The following C12orf50 variants were observed in gnomAD, a reference collection of about 807,000 sequenced individuals.
C12orf50 encodes uncharacterized protein C12orf50.
C12orf50 carries 35 observed loss-of-function variants against 61.6 expected under a neutral mutation model. The ratio of observed to expected loss-of-function variants is 0.57; its 90% CI spans 0.43 to 0.75. The LOEUF (loss-of-function observed/expected upper bound fraction) is 0.75. Ranked by LOEUF, C12orf50 falls within the 30% of genes least tolerant of loss-of-function variation. The pLI, the probability that C12orf50 is intolerant of heterozygous loss-of-function variation, is 0.00. For missense variants in C12orf50, 475 were observed against 488.5 expected (o/e 0.97, Z 0.26); for synonymous variants, 178 against 161.5 (o/e 1.10, Z -0.77).
At chr12:88,027,161 A>G in intron 1 of C12orf50, 91 bp from the exon 2 acceptor site, 5 of 1,281,814 alleles carry the variant, frequency 3.9e-6, no homozygotes, top group Non-Finnish European at 5.2e-6. Context: ...ACGAAATATG[A>G]GTAGATTACA....
chr12:88,006,809 A>G (rs1465954344), intron 3 of C12orf50, among the ~76,000 whole-genome samples: 1 of 152,206 alleles, frequency 6.6e-6, no homozygotes, highest in Non-Finnish European at 1.5e-5. Context: ...TGGAAGCTGG[A>G]CGTAGAAAGA....
At chr12:87,997,395 T>C (rs2031444209) in intron 4 of C12orf50, among the ~76,000 whole-genome samples, 1 of 150,834 alleles carries the variant, frequency 6.6e-6, no homozygotes, top group Admixed American at 6.6e-5. Flanking sequence ...GATATATAAA[T>C]ATCTATATAT....
At chr12:87,990,426 C>A (rs1325569429) in intron 7 of C12orf50, among the ~76,000 whole-genome samples, 1 of 152,146 alleles carries the variant, frequency 6.6e-6, no homozygotes, top group Non-Finnish European at 1.5e-5. Flanking sequence ...GGAGCTTACA[C>A]AAAACCAGTG....
At chr12:87,992,855 A>G (rs7137219) in intron 7 of C12orf50, among the ~76,000 whole-genome samples, 3,488 of 152,262 alleles carry the variant, frequency 0.023, 142 homozygotes, top group African/African-American at 0.078. Flanking sequence ...AGACAAGACA[A>G]TGCCTCAAGT....
intron 3 of C12orf50, among the ~76,000 whole-genome samples, chr12:88,021,644 A>C (rs1271075638): frequency 6.6e-6 from 1 of 152,104 alleles, no homozygotes. Context: ...TTTCAAAAAA[A>C]AAAGACAAAA....
intron 3 of C12orf50, among the ~76,000 whole-genome samples, chr12:88,000,747 C>A (rs1187510607): frequency 6.6e-6 from 1 of 151,632 alleles, no homozygotes; most frequent in Non-Finnish European, 1.5e-5. Context: ...AAACTTTGCA[C>A]ATCTTATGTT....
intron 1 of C12orf50, chr12:88,027,630 G>A (rs947201946): frequency 5.9e-5 from 9 of 152,148 alleles, no homozygotes; most frequent in African/African-American, 2.2e-4. Flanking sequence ...TGTGCCTTTG[G>A]CTTAGAAAGA....
At chr12:87,982,015 A>C (rs1350561511) in intron 12 of C12orf50, among the ~76,000 whole-genome samples, 1 of 152,062 alleles carries the variant, frequency 6.6e-6, no homozygotes, top group East Asian at 1.9e-4. Context: ...TCTGTAATTC[A>C]TATTTAACTA....
chr12:88,014,541 C>T (rs768544619), intron 3 of C12orf50, among the ~76,000 whole-genome samples: 12 of 152,090 alleles, frequency 7.9e-5, no homozygotes, highest in African/African-American at 1.7e-4. Flanking sequence ...CCTCATGATC[C>T]GCCCGCCTCG....
At chr12:87,987,988 A>T in intron 8 of C12orf50, 22 bp from the exon 9 acceptor site, 1 of 1,472,424 alleles carries the variant, frequency 6.8e-7, no homozygotes, top group African/African-American at 1.4e-5. Flanking sequence ...AATTAAGAAA[A>T]TAAAATGTCA....
At chr12:87,994,006 C>A (rs558573106) in intron 7 of C12orf50, among the ~76,000 whole-genome samples, 1 of 151,752 alleles carries the variant, frequency 6.6e-6, no homozygotes, top group Admixed American at 6.6e-5. Flanking sequence ...TTGAGGCCAG[C>A]CTGACCAACA....
chr12:88,001,250 G>A (rs961901547), intron 3 of C12orf50, among the ~76,000 whole-genome samples: 3 of 151,368 alleles, frequency 2.0e-5, no homozygotes, highest in Non-Finnish European at 3.0e-5. Flanking sequence ...CATCTGTTAA[G>A]ATGATCATGT....
chr12:88,026,139 G>A (rs1372387481), intron 3 of C12orf50, among the ~76,000 whole-genome samples: 1 of 152,088 alleles, frequency 6.6e-6, no homozygotes, highest in East Asian at 1.9e-4. Context: ...GAGACCACCA[G>A]TGAAGGTATG....
rs550191625 is a variant in C12orf50, at chr12:87,990,580, G to T, written c.593-1209C>A. Among the ~76,000 whole-genome samples the T allele has an allele frequency of 5.9e-5, 9 of 152,214 alleles. No individual in the cohort carries two copies. In the South Asian group the frequency reaches 1.9e-3, roughly 32 times the overall value. ...ATGCATGTGACTGCAATGCCTGAGA[G>T]CAATGGAAGGACACAAAGTCAATTG... On this transcript the variant is annotated intron_variant, in intron 7 of 12. Transcript: ENST00000298699.
intron 3 of C12orf50, among the ~76,000 whole-genome samples, chr12:88,019,280 ACT>A (rs1294510699): frequency 3.3e-5 from 5 of 152,030 alleles, no homozygotes; most frequent in African/African-American, 1.2e-4. Context: ...CCCTGCACAA[ACT>A]CTCTTTCTTT....
chr12:87,999,497 C>G (rs1024615480), intron 3 of C12orf50, among the ~76,000 whole-genome samples: 3 of 152,112 alleles, frequency 2.0e-5, no homozygotes, highest in African/African-American at 4.8e-5. Context: ...TGATTAATTT[C>G]TTTACTAAAA....
rs777230210 is a variant in C12orf50, at chr12:87,996,581, A to T, written c.355T>A (p.Cys119Ser). ...TTTGATTTCTTACCAGATTTATAAC[A>T]CATCTCCTTTATTGCTCTTTTTTCT... ...IEEKRAIKEM[C>S]YKSGEYYRFH... The change falls in exon 5 of 13, where the codon TGT (cysteine) becomes AGT (serine). Residue 119 changes from cysteine to serine, a missense_variant. Physicochemically the swap from Cys to Ser is moderately radical, Grantham distance 112. Coordinates refer to ENST00000298699, the MANE Select transcript of C12orf50 (RefSeq NM_152589.3). 3 of 1,608,878 alleles carry T rather than the reference A, an allele frequency of 1.9e-6. No homozygotes were observed. In the South Asian group the frequency reaches 3.3e-5, roughly 18 times the overall value.
In C12orf50 at chr12:87,982,789, G is replaced by A. The variant is rs140900909; in HGVS notation, c.1219+314C>T. On this transcript the variant is annotated intron_variant, in intron 12 of 12. Coordinates refer to ENST00000298699, the MANE Select transcript of C12orf50 (RefSeq NM_152589.3). ...AAATACAGTTTTACACATTTGCTTC[G>A]CAGCACAGCAAAAAAAAAAAAAAAT... Among the ~76,000 whole-genome samples the A allele has an allele frequency of 6.9e-4, 102 of 147,950 alleles. 2 individuals are homozygous for A. The highest frequency in any genetic ancestry group is 1.8e-3 in the African/African-American group (70 of 39,686).
chr12:88,007,840 A>G (rs2031944055), intron 3 of C12orf50, among the ~76,000 whole-genome samples: 1 of 152,176 alleles, frequency 6.6e-6, no homozygotes, highest in Admixed American at 6.5e-5. Flanking sequence ...TTGTTTTAAT[A>G]AATTAAATGC....
Sources: gnomAD v4.1 joint callset for allele counts (sites outside exome capture counted in the v4.1 genomes callset) on GRCh38, gnomAD v4.1.1 for gene constraint, MANE v1.5 for transcripts, NCBI Gene and HGNC (gene_info 2026-07-23, HGNC 2026-07-21) for gene names.